C2CD3: variants seen among roughly 807,000 people sequenced by gnomAD.
C2CD3 encodes the protein C2 domain-containing protein 3.
A neutral mutation model predicts 234.0 loss-of-function variants in C2CD3; 148 were observed. That is an observed-to-expected ratio of 0.63 (90% CI 0.55 to 0.72). The LOEUF (loss-of-function observed/expected upper bound fraction) is 0.72, where lower values mean the gene tolerates loss of function less well. Among genes scored for constraint, C2CD3 ranks in the 30% least tolerant of loss-of-function variants. C2CD3 has a pLI of 0.00. For synonymous variants in C2CD3, 1,000 were observed against 1,035.4 expected (o/e 0.97, Z 0.66); for missense variants, 2,577 against 2,811.5 (o/e 0.92, Z 1.89).
In C2CD3 at chr11:74,133,575, A is replaced by T. The variant is rs1320061497; in HGVS notation, c.956-18T>A. On this transcript the variant is annotated intron_variant, in intron 5 of 32. Transcript: ENST00000334126. ...TAACAGAGCTGAAGAGGGTAAATGC[A>T]GAAAACAGAAAAATCCAAAATGCAG... 2 of 1,612,636 alleles carry T rather than the reference A, an allele frequency of 1.2e-6. No homozygotes were observed. The highest frequency in any genetic ancestry group is 1.7e-6 in the Non-Finnish European group (2 of 1,179,398).
At chr11:74,057,565 G>T (rs771913693) in intron 24 of C2CD3, 21 bp from the exon 25 acceptor site, 2 of 1,613,894 alleles carry the variant, frequency 1.2e-6, no homozygotes, top group South Asian at 2.2e-5. Flanking sequence ...ATAAAGTGCA[G>T]TGACTGTACT....
At chr11:74,074,722 G>C (rs2135460804) in intron 23 of C2CD3, 122 bp from the exon 24 acceptor site, 1 of 716,304 alleles carries the variant, frequency 1.4e-6, no homozygotes, top group South Asian at 2.0e-5. Flanking sequence ...CCCCAATACA[G>C]CAATTTGCAA....
intron 11 of C2CD3, among the ~76,000 whole-genome samples, chr11:74,112,077 C>G (rs1956771515): frequency 6.6e-6 from 1 of 151,812 alleles, no homozygotes; most frequent in Non-Finnish European, 1.5e-5. Context: ...CAATTTTGAA[C>G]CATGTGAATG....
At chr11:74,024,784 G>A (rs907725589) in intron 32 of C2CD3, among the ~76,000 whole-genome samples, 8 of 152,204 alleles carry the variant, frequency 5.3e-5, no homozygotes, top group Middle Eastern at 6.8e-3. Context: ...AGCCAGGAGC[G>A]TAAGATTCTG....
chr11:74,022,134 AAAAG>A (rs1171946948), intron 32 of C2CD3, among the ~76,000 whole-genome samples: 2 of 152,116 alleles, frequency 1.3e-5, no homozygotes, highest in African/African-American at 4.8e-5. Flanking sequence ...GGGGAAAAAA[AAAAG>A]AAATAGTGGG....
intron 3 of C2CD3, among the ~76,000 whole-genome samples, chr11:74,146,822 G>A (rs1410510828): frequency 6.6e-6 from 1 of 151,652 alleles, no homozygotes; most frequent in African/African-American, 2.4e-5. Flanking sequence ...GGAGGCCGAG[G>A]TGGGCAGATC....
rs953051720 is a variant in C2CD3 at position 74,084,944 on chromosome 11, A to G, written c.3937T>C (p.Cys1313Arg). The G allele has an allele frequency of 1.2e-6, 2 of 1,611,338 alleles. No homozygotes were observed. Among genetic ancestry groups the G allele is most frequent in the Middle Eastern group, 1.7e-4 (1 of 6,058 alleles). Residue 1313 changes from cysteine (C) to arginine (R), a missense_variant, in exon 22 of 33, where the codon TGC (cysteine) becomes CGC (arginine). Physicochemically the swap from Cys to Arg is radical, Grantham distance 180 (BLOSUM62 -3). Coordinates refer to ENST00000334126, the MANE Select transcript of C2CD3 (RefSeq NM_001286577.2). ...ACTACTCCAAGCAGATACTCTTTGC[A>G]TGACTCAATACTGATTATATCACTT... The part of the protein sequence containing the change: ...SASDIISIES[C>R]KEYLLGVVKV...
Position 74,132,950 on chromosome 11 carries a change from G to T in C2CD3, c.1111C>A (p.Arg371=). Residue 371 remains arginine (R), a synonymous_variant, in exon 7 of 33, where the codon CGG becomes AGG. Coordinates refer to ENST00000334126, the MANE Select transcript of C2CD3 (RefSeq NM_001286577.2). ...STQIRAFSRN[R]FKDHIEDHLL... ...TGATCTTCAATGTGGTCTTTAAACC[G>T]ATTCCTAGAAAAGGCTCTGATCCTA... The T allele has an allele frequency of 6.2e-7, 1 of 1,613,666 alleles. No homozygotes were observed. Among genetic ancestry groups the T allele is most frequent in the Non-Finnish European group, 8.5e-7 (1 of 1,179,668 alleles).
chr11:74,045,746 G>A (rs1444044266), intron 28 of C2CD3, among the ~76,000 whole-genome samples: 1 of 151,526 alleles, frequency 6.6e-6, no homozygotes, highest in African/African-American at 2.4e-5. Context: ...TAATTTTTTT[G>A]ATTTTTTGTA....
In C2CD3 at chr11:74,077,974, G is replaced by T. The variant is rs556427023; in HGVS notation, c.4603+141C>A. ...AATCTCTCTGAGCCTCCTTTTTTAT[G>T]AATGTAAAATGGGTATAATACCTAT... is the stretch of plus-strand genomic sequence containing the variant. On this transcript the variant is annotated intron_variant, in intron 23 of 32. Transcript: ENST00000334126. 2.1e-4 allele frequency: 203 copies of T among 984,576 alleles called. 2 individuals carry two copies. The South Asian group carries it at 3.0e-3, about 14-fold the overall frequency. The allele number at this position is 984,576 out of a possible 1,614,324, so 61.0% of individuals were successfully genotyped here.
At chr11:74,096,305 T>C (rs1429895513) in intron 16 of C2CD3, among the ~76,000 whole-genome samples, 1 of 151,958 alleles carries the variant, frequency 6.6e-6, no homozygotes, top group Non-Finnish European at 1.5e-5. Flanking sequence ...CAGAAAAGAG[T>C]TGAGACTATA....
Position 74,114,543 on chromosome 11 carries a change from G to A in C2CD3, c.1571C>T (p.Thr524Met), listed in dbSNP as rs760447660. The A allele has an allele frequency of 3.7e-6, 6 of 1,613,812 alleles. No homozygotes were observed. In the African/African-American group the frequency reaches 5.3e-5, roughly 14 times the overall value. ...MLSETPEDAQTMTLSVDRLAL... is the reference protein window; with the variant it reads ...MLSETPEDAQMMTLSVDRLAL... ...CAGTCTATCCACACTTAGTGTCATC[G>A]TTTGGGCATCTTCTGGAGTTTCTGA... is the stretch of plus-strand genomic sequence containing the variant. The change falls in exon 10 of 33, where the codon ACG (threonine) becomes ATG (methionine). Residue 524 changes from threonine (T) to methionine (M), a missense_variant. Thr to Met is a moderately conservative substitution (Grantham distance 81, BLOSUM62 -1). Transcript: ENST00000334126.
chr11:74,014,901 C>T (rs1048611060), intron 32 of C2CD3, among the ~76,000 whole-genome samples: 3 of 152,200 alleles, frequency 2.0e-5, no homozygotes, highest in African/African-American at 7.2e-5. Flanking sequence ...GTGCTATGAG[C>T]CCACAGGCAG....
intron 3 of C2CD3, among the ~76,000 whole-genome samples, chr11:74,143,283 G>C (rs1364080120): frequency 6.6e-6 from 1 of 152,126 alleles, no homozygotes; most frequent in Non-Finnish European, 1.5e-5. Context: ...GAGCAAATTA[G>C]TAAGTATAAT....
At chr11:74,123,202 A>G (rs1265308766) in intron 7 of C2CD3, 67 bp from the exon 8 acceptor site, 5 of 1,204,256 alleles carry the variant, frequency 4.2e-6, no homozygotes, top group Admixed American at 2.1e-5. Flanking sequence ...TTCTCTCTTT[A>G]GTGAAACTTT....
intron 24 of C2CD3, among the ~76,000 whole-genome samples, chr11:74,072,877 A>C (rs755857983): frequency 6.6e-6 from 1 of 152,152 alleles, no homozygotes; most frequent in Non-Finnish European, 1.5e-5. Flanking sequence ...AAAACCATGG[A>C]AACAACTGCA....
intron 26 of C2CD3, among the ~76,000 whole-genome samples, chr11:74,052,111 G>C (rs889361720): frequency 2.0e-5 from 3 of 152,176 alleles, no homozygotes; most frequent in African/African-American, 7.2e-5. Context: ...TAAGGGGAGA[G>C]AGACATCTAC....
chr11:74,147,411 C>T (rs557274873), intron 3 of C2CD3, among the ~76,000 whole-genome samples: 3 of 152,194 alleles, frequency 2.0e-5, no homozygotes, highest in East Asian at 3.9e-4. Flanking sequence ...AGCAAGACCC[C>T]GTCTTAAATA....
At chr11:74,057,081 T>G (rs1448444921) in intron 25 of C2CD3, among the ~76,000 whole-genome samples, 1 of 152,080 alleles carries the variant, frequency 6.6e-6, no homozygotes, top group Admixed American at 6.6e-5. Context: ...AATTTGTTAT[T>G]GATATTTTTT....
Sources: allele counts gnomAD v4.1 joint callset (sites outside exome capture counted in the v4.1 genomes callset), GRCh38; gene constraint gnomAD v4.1.1; transcripts MANE v1.5; gene names NCBI Gene and HGNC (gene_info 2026-07-23, HGNC 2026-07-21).